The following SH3GL3 variants were observed in gnomAD, a reference collection of about 807,000 sequenced individuals.
The protein encoded by SH3GL3 is endophilin-A3.
In SH3GL3, 33 loss-of-function variants were observed where a neutral mutation model predicts 47.7. The ratio of observed to expected loss-of-function variants is 0.69; its 90% confidence interval spans 0.52 to 0.92. The LOEUF (loss-of-function observed/expected upper bound fraction) is 0.92. Among genes scored for constraint, SH3GL3 ranks in the 40% least tolerant of loss-of-function variants. SH3GL3 has a pLI of 0.00. For missense variants in SH3GL3, 363 were observed against 417.8 expected, an observed-to-expected ratio of 0.87 and a Z score of 1.14; for synonymous variants, 155 against 148.8, an observed-to-expected ratio of 1.04 and a Z score of -0.30.
intron 8 of SH3GL3, among the ~76,000 whole-genome samples, chr15:83,596,795 T>C (rs993701189): frequency 1.3e-5 from 2 of 152,040 alleles, no homozygotes; most frequent in African/African-American, 2.4e-5. Flanking sequence ...TTTTTTACTA[T>C]CTTAAATATC....
chr15:83,447,354 G>C lies in SH3GL3; in HGVS notation c.-180G>C. On this transcript the variant is annotated 5_prime_UTR_variant, in exon 1 of 9. Coordinates refer to ENST00000427482, the MANE Select transcript of SH3GL3 (RefSeq NM_003027.5). This position sits in a 1 kb window ranked among gnomAD's most constrained non-coding sequence, Gnocchi z 5.1. Reference sequence around the variant, plus strand: ...GCTTTGGAACGCAGTGTTGCCATCGGCGTGCGCGCGTGTGTGCGAGTGTGA... The same window carrying C: ...GCTTTGGAACGCAGTGTTGCCATCGCCGTGCGCGCGTGTGTGCGAGTGTGA... 1 of 369,814 alleles carries C rather than the reference G, an allele frequency of 2.7e-6. No individual in the cohort carries two copies. Among genetic ancestry groups the C allele is most frequent in the Non-Finnish European group, 4.9e-6 (1 of 204,146 alleles). The allele number at this position is 369,814 out of a possible 1,614,324, so 22.9% of individuals were successfully genotyped here. A position where few individuals can be genotyped will look rare whatever the true frequency, so the allele number is the denominator to read the frequency against.
chr15:83,503,349 G>T (rs2042366989), intron 1 of SH3GL3, among the ~76,000 whole-genome samples: 1 of 152,018 alleles, frequency 6.6e-6, no homozygotes, highest in Admixed American at 6.6e-5. Flanking sequence ...AATATATTGT[G>T]ATGATTTTTC....
intron 1 of SH3GL3, among the ~76,000 whole-genome samples, chr15:83,484,282 T>C (rs548242770): frequency 2.2e-4 from 33 of 152,356 alleles, no homozygotes; most frequent in Middle Eastern, 3.4e-3. Flanking sequence ...CCAATTTTGA[T>C]TGTCTTTGCC....
At chr15:83,463,492 T>C (rs534877182) in intron 1 of SH3GL3, among the ~76,000 whole-genome samples, 3 of 152,334 alleles carry the variant, frequency 2.0e-5, no homozygotes, top group South Asian at 4.1e-4. Flanking sequence ...AGTAAGGTTA[T>C]ATTATAGTCT....
At position 83,520,616 on chromosome 15, in the gene SH3GL3, C is replaced by G. The variant is rs576687435; in HGVS notation, c.46-38637C>G. Among the ~76,000 whole-genome samples the G allele has an allele frequency of 5.9e-5, 9 of 152,224 alleles. No individual in the cohort carries two copies. The East Asian group carries it at 1.7e-3, about 29-fold the overall frequency. ...GCTACATGCTTCAGAGATGACAGAG[C>G]TCCATGGGCTGTTGGGTTGTTGAGG... On this transcript the variant is annotated intron_variant, in intron 1 of 8. Transcript: ENST00000427482.
intron 1 of SH3GL3, among the ~76,000 whole-genome samples, chr15:83,523,082 A>G (rs553226181): frequency 1.3e-5 from 2 of 152,358 alleles, no homozygotes; most frequent in South Asian, 4.1e-4. Flanking sequence ...TCAAGGACAT[A>G]TCTTGTGAAG....
intron 1 of SH3GL3, among the ~76,000 whole-genome samples, chr15:83,476,561 A>G (rs1421147662): frequency 1.3e-5 from 2 of 152,260 alleles, no homozygotes; most frequent in East Asian, 1.9e-4. Context: ...TGAGCTAAGA[A>G]TGGTTTTTAT....
intron 1 of SH3GL3, among the ~76,000 whole-genome samples, chr15:83,500,557 T>C (rs189975968): frequency 3.3e-5 from 5 of 152,334 alleles, no homozygotes; most frequent in African/African-American, 1.2e-4. Context: ...GCCTAGAACC[T>C]GGCTTCTCGA....
chr15:83,586,770 CA>C (rs2059965481), intron 6 of SH3GL3, among the ~76,000 whole-genome samples: 2 of 152,194 alleles, frequency 1.3e-5, no homozygotes, highest in South Asian at 2.1e-4. Flanking sequence ...TTCATAATCA[CA>C]AATAAATTTG....
At chr15:83,574,710 T>C (rs541123772) in intron 5 of SH3GL3, among the ~76,000 whole-genome samples, 1 of 152,276 alleles carries the variant, frequency 6.6e-6, no homozygotes, top group South Asian at 2.1e-4. Flanking sequence ...TGTGGCCTTA[T>C]TGCCACCCCT....
intron 3 of SH3GL3, among the ~76,000 whole-genome samples, chr15:83,566,036 G>A (rs2045519384): frequency 6.6e-6 from 1 of 152,142 alleles, no homozygotes; most frequent in South Asian, 2.1e-4. Context: ...ATCAGTGATT[G>A]AAATCAGCCA....
intron 1 of SH3GL3, among the ~76,000 whole-genome samples, chr15:83,499,395 C>CA (rs11374002): frequency 0.53 from 64,237 of 121,792 alleles, 15,055 homozygotes; most frequent in South Asian, 0.71. Flanking sequence ...GACTCCATCT[C>CA]AAAAAAAAAA....
At chr15:83,514,930 G>A (rs1281041184) in intron 1 of SH3GL3, among the ~76,000 whole-genome samples, 1 of 152,086 alleles carries the variant, frequency 6.6e-6, no homozygotes, top group African/African-American at 2.4e-5. Context: ...GGCAATGCGA[G>A]GATGGAAGCA....
At chr15:83,490,253 T>C (rs2041818532) in intron 1 of SH3GL3, among the ~76,000 whole-genome samples, 1 of 151,444 alleles carries the variant, frequency 6.6e-6, no homozygotes. Flanking sequence ...ACTGCCCCTT[T>C]AGTGATTTTG....
intron 8 of SH3GL3, among the ~76,000 whole-genome samples, chr15:83,613,344 G>C (rs1444818265): frequency 3.3e-5 from 5 of 152,182 alleles, no homozygotes; most frequent in Admixed American, 6.5e-5. Flanking sequence ...GATGGAGTGT[G>C]ATATGAGTGC....
In SH3GL3 at chr15:83,525,744, C is replaced by T. The variant is rs1251492762; in HGVS notation, c.46-33509C>T. ...AATTTCATTCTTCTGCATATGGATA[C>T]CGAGTTTTCCGAGCATCATTTATTG... is the stretch of plus-strand genomic sequence containing the variant. On this transcript the variant is annotated intron_variant, in intron 1 of 8. Coordinates refer to ENST00000427482, the MANE Select transcript of SH3GL3 (RefSeq NM_003027.5). Among the ~76,000 whole-genome samples the T allele has an allele frequency of 2.0e-5, 3 of 152,046 alleles. No homozygotes were observed. The East Asian group carries it at 5.8e-4, about 29-fold the overall frequency.
intron 1 of SH3GL3, among the ~76,000 whole-genome samples, chr15:83,558,717 G>A (rs2045090583): frequency 6.6e-6 from 1 of 151,986 alleles, no homozygotes; most frequent in Non-Finnish European, 1.5e-5. Context: ...TTCCTTCAGT[G>A]CCGCCCGATG....
At chr15:83,460,533 T>C (rs886929023) in intron 1 of SH3GL3, among the ~76,000 whole-genome samples, 2 of 152,220 alleles carry the variant, frequency 1.3e-5, no homozygotes, top group South Asian at 2.1e-4. Context: ...AGGAGGTTTT[T>C]CTTTGCCTTT....
At chr15:83,569,517 A>G (rs1192532772) in intron 4 of SH3GL3, among the ~76,000 whole-genome samples, 2 of 152,210 alleles carry the variant, frequency 1.3e-5, no homozygotes, top group Non-Finnish European at 2.9e-5. Flanking sequence ...TTTAGATAAC[A>G]TGTCTAGTAT....
Sources: gnomAD v4.1 joint callset for allele counts (sites outside exome capture counted in the v4.1 genomes callset) on GRCh38, gnomAD v4.1.1 for gene constraint, Gnocchi (gnomAD v3.1) non-coding constraint, MANE v1.5 for transcripts, NCBI Gene and HGNC (gene_info 2026-07-23, HGNC 2026-07-21) for gene names.